The following HCN1 variants were observed in gnomAD, a reference collection of about 807,000 sequenced individuals.
HCN1 encodes hyperpolarization activated cyclic nucleotide gated potassium channel 1.
HCN1 carries 13 observed loss-of-function variants against 78.9 expected under a neutral mutation model. The observed-to-expected ratio is 0.16, with a 90% CI of 0.11 to 0.26. The LOEUF is 0.26. HCN1 is among the 10% of genes least tolerant of loss of function. The pLI, the probability that HCN1 is intolerant of heterozygous loss-of-function variation, is 1.00. For missense variants in HCN1, 810 were observed against 1,154.3 expected (o/e 0.70, Z 4.32); for synonymous variants, 552 against 455.5 (o/e 1.21, Z -2.70).
rs190293765 is a variant in HCN1, at chr5:45,570,925, G to T, written c.849+74260C>A. ...CAAGTATATTTTTCTATTCTATCAT[G>T]CTCATATTTCATACTATTAAAATAA... On this transcript the variant is annotated intron_variant, in intron 2 of 7. Coordinates refer to ENST00000303230, the MANE Select transcript of HCN1 (RefSeq NM_021072.4). Among the ~76,000 whole-genome samples, 389 of 152,056 alleles carry T rather than the reference G, an allele frequency of 2.6e-3. 1 individual carries two copies. Among genetic ancestry groups the T allele is most frequent in the Non-Finnish European group, 4.8e-3 (329 of 67,956 alleles).
At chr5:45,480,975 TC>T (rs1741638777) in intron 2 of HCN1, among the ~76,000 whole-genome samples, 1 of 152,212 alleles carries the variant, frequency 6.6e-6, no homozygotes, top group Non-Finnish European at 1.5e-5. Flanking sequence ...ACCTAGTAGT[TC>T]CATTATTCGA....
At chr5:45,305,767 G>A (rs1288796307) in intron 5 of HCN1, among the ~76,000 whole-genome samples, 1 of 149,328 alleles carries the variant, frequency 6.7e-6, no homozygotes, top group African/African-American at 2.5e-5. Flanking sequence ...AGAAGGGAGG[G>A]AGGAAGAAAG....
intron 2 of HCN1, among the ~76,000 whole-genome samples, chr5:45,525,702 C>T (rs1579949635): frequency 6.6e-6 from 1 of 151,890 alleles, no homozygotes; most frequent in East Asian, 1.9e-4. Flanking sequence ...ATTGATTTGC[C>T]CCAGTCTACA....
At chr5:45,520,671 T>C (rs1742597511) in intron 2 of HCN1, among the ~76,000 whole-genome samples, 1 of 152,072 alleles carries the variant, frequency 6.6e-6, no homozygotes, top group African/African-American at 2.4e-5. Flanking sequence ...CAAGGCAGTA[T>C]ATAGCAGCAT....
At chr5:45,372,979 T>TA (rs910009087) in intron 4 of HCN1, among the ~76,000 whole-genome samples, 1 of 138,450 alleles carries the variant, frequency 7.2e-6, no homozygotes, top group Non-Finnish European at 1.5e-5. Flanking sequence ...ATAAAATAAA[T>TA]AAAAAATAAT....
intron 1 of HCN1, among the ~76,000 whole-genome samples, chr5:45,682,858 T>C (rs1388034970): frequency 1.3e-5 from 2 of 152,146 alleles, no homozygotes; most frequent in East Asian, 1.9e-4. Flanking sequence ...TATAATTTTG[T>C]GCTATTATGA....
intron 5 of HCN1, among the ~76,000 whole-genome samples, chr5:45,349,526 A>T (rs1284104458): frequency 1.3e-5 from 2 of 152,222 alleles, no homozygotes; most frequent in Non-Finnish European, 2.9e-5. Context: ...CTAAAATCAG[A>T]GCAGAACTGA....
intron 2 of HCN1, chr5:45,643,783 G>A (rs1310277761): frequency 6.6e-6 from 1 of 152,098 alleles, no homozygotes; most frequent in African/African-American, 2.4e-5. Flanking sequence ...ACTAGCTGAC[G>A]TGTAATAAGC....
At chr5:45,581,819 T>A (rs1157314079) in intron 2 of HCN1, among the ~76,000 whole-genome samples, 1 of 152,200 alleles carries the variant, frequency 6.6e-6, no homozygotes, top group Admixed American at 6.5e-5. Context: ...TTGTCAAAGA[T>A]CAGATAGTTG....
At chr5:45,276,132 C>A (rs908534366) in intron 6 of HCN1, among the ~76,000 whole-genome samples, 2 of 152,016 alleles carry the variant, frequency 1.3e-5, no homozygotes, top group Non-Finnish European at 2.9e-5. Flanking sequence ...AATATATTCA[C>A]CAGATATTTA....
Position 45,267,116 on chromosome 5 carries a change from C to T in HCN1, c.1756G>A (p.Val586Ile). Residue 586 changes from valine to isoleucine, a missense_variant, in exon 7 of 8, where the codon GTT (valine) becomes ATT (isoleucine). Transcript: ENST00000303230. ...ATTCGATCTAGTCGGTCAATGGCAA[C>T]TGTCTCAAAGGCTCTCCTCATCATT... ...YPMMRRAFET[V>I]AIDRLDRIGK... The T allele has an allele frequency of 6.2e-7, 1 of 1,613,842 alleles. No homozygotes were observed. The highest frequency in any genetic ancestry group is 8.5e-7 in the Non-Finnish European group (1 of 1,179,756).
chr5:45,499,381 C>G (rs986592945), intron 2 of HCN1, among the ~76,000 whole-genome samples: 3 of 152,146 alleles, frequency 2.0e-5, no homozygotes, highest in Admixed American at 2.0e-4. Flanking sequence ...CTTTCTTTGA[C>G]TAGGAAAGGG....
chr5:45,512,183 T>C (rs751406180), intron 2 of HCN1, among the ~76,000 whole-genome samples: 33 of 152,116 alleles, frequency 2.2e-4, no homozygotes, highest in Non-Finnish European at 3.8e-4. Flanking sequence ...AGAATAAAAG[T>C]ATTTCAATCA....
At chr5:45,473,219 A>T (rs1361956189) in intron 2 of HCN1, among the ~76,000 whole-genome samples, 1 of 151,954 alleles carries the variant, frequency 6.6e-6, no homozygotes, top group Non-Finnish European at 1.5e-5. Flanking sequence ...TAAGTTCTAT[A>T]CATAAGCTTC....
chr5:45,278,588 G>T (rs1264010415), intron 6 of HCN1, among the ~76,000 whole-genome samples: 1 of 151,986 alleles, frequency 6.6e-6, no homozygotes, highest in African/African-American at 2.4e-5. Flanking sequence ...ATGCCACTGA[G>T]GTTTTGAGTT....
chr5:45,304,494 A>G (rs1362169654), intron 5 of HCN1, among the ~76,000 whole-genome samples: 2 of 151,922 alleles, frequency 1.3e-5, no homozygotes, highest in African/African-American at 4.8e-5. Flanking sequence ...TGGTCAAGAT[A>G]GTGAAACCCT....
At chr5:45,294,201 G>T (rs970807216) in intron 6 of HCN1, among the ~76,000 whole-genome samples, 1 of 151,954 alleles carries the variant, frequency 6.6e-6, no homozygotes. Flanking sequence ...TAGAGTTAAC[G>T]AATAGTCACG....
At chr5:45,607,119 T>C (rs932089428) in intron 2 of HCN1, among the ~76,000 whole-genome samples, 2 of 151,782 alleles carry the variant, frequency 1.3e-5, no homozygotes, top group African/African-American at 4.8e-5. Flanking sequence ...TAAAGACATA[T>C]TTTGGAAAAT....
At chr5:45,537,685 C>A (rs933581164) in intron 2 of HCN1, among the ~76,000 whole-genome samples, 1 of 151,480 alleles carries the variant, frequency 6.6e-6, no homozygotes, top group Admixed American at 6.6e-5. Flanking sequence ...TTACAGGCAC[C>A]CGCCACCATG....
Sources: gnomAD v4.1 joint callset for allele counts (sites outside exome capture counted in the v4.1 genomes callset) on GRCh38, gnomAD v4.1.1 for gene constraint, MANE v1.5 for transcripts, NCBI Gene and HGNC (gene_info 2026-07-23, HGNC 2026-07-21) for gene names.